DENND4B: variants seen among roughly 807,000 people sequenced by gnomAD.
DENND4B encodes the protein DENN domain containing 4B, also known as DENN domain-containing protein 4B.
A neutral mutation model predicts 161.0 loss-of-function variants in DENND4B; 67 were observed. The observed-to-expected ratio is 0.42, with a 90% confidence interval of 0.34 to 0.51. The LOEUF is 0.51. Among genes scored for constraint, DENND4B ranks in the 20% least tolerant of loss-of-function variants. The pLI, the probability that DENND4B is intolerant of heterozygous loss-of-function variation, is 0.08. For missense variants in DENND4B, 1,481 were observed against 1,968.0 expected, an observed-to-expected ratio of 0.75 and a Z score of 4.68; for synonymous variants, 753 against 813.8, an observed-to-expected ratio of 0.93 and a Z score of 1.27.
intron 6 of DENND4B, among the ~76,000 whole-genome samples, chr1:153,941,654 G>A (rs1212146675): frequency 6.6e-6 from 1 of 152,040 alleles, no homozygotes; most frequent in Non-Finnish European, 1.5e-5. Context: ...CCTTTGCCAG[G>A]ACCTAACTAG....
chr1:153,938,406 C>CAAA (rs34071791), intron 13 of DENND4B, among the ~76,000 whole-genome samples: 14 of 103,186 alleles, frequency 1.4e-4, no homozygotes, highest in Admixed American at 7.0e-4. Context: ...AAAACTATCT[C>CAAA]AAAAAAAAAA....
chr1:153,941,008 C>T lies in DENND4B; in HGVS notation c.1222G>A (p.Glu408Lys). Reference sequence around the variant, plus strand: ...GCCAGCAGCAGTGTGATAGCCAGCTCAGGGCCCAGGCTCTGCAGCAGCTGC... The same window carrying T: ...GCCAGCAGCAGTGTGATAGCCAGCTTAGGGCCCAGGCTCTGCAGCAGCTGC... ...FLQLLQSLGPELAITLLLAVL... is the reference protein window; with the variant it reads ...FLQLLQSLGPKLAITLLLAVL... The change falls in exon 9 of 28, where the codon GAG becomes AAG. Residue 408 changes from glutamate (E) to lysine (K), a missense_variant. Physicochemically the swap from Glu to Lys is moderately conservative, Grantham distance 56. Around this residue, in one of 3 missense-constraint regions of DENND4B, gnomAD observed 806 missense variants for 1,134.4 expected, o/e 0.71. Transcript: ENST00000361217. The T allele has an allele frequency of 6.4e-7, 1 of 1,573,566 alleles. No individual in the cohort carries two copies. Among genetic ancestry groups the T allele is most frequent in the Admixed American group, 1.9e-5 (1 of 52,724 alleles).
Position 153,933,916 on chromosome 1 carries a change from C to T in DENND4B, c.2942-45G>A, listed in dbSNP as rs751708911. 1 of 1,586,602 alleles carries T rather than the reference C, an allele frequency of 6.3e-7. No individual in the cohort carries two copies. Among genetic ancestry groups the T allele is most frequent in the Admixed American group, 2.0e-5 (1 of 49,732 alleles). ...GAGGGAAGATGGACCCCAGCCTCTGCACCAACTTCCCCTTTCCTGAATAAA... is the reference window on the plus strand; with the variant it reads ...GAGGGAAGATGGACCCCAGCCTCTGTACCAACTTCCCCTTTCCTGAATAAA... On this transcript the variant is annotated intron_variant, in intron 19 of 27. Transcript: ENST00000361217. This position sits in a 1 kb window ranked among gnomAD's most constrained non-coding sequence, Gnocchi z 5.7.
In DENND4B at chr1:153,946,090, C is replaced by T. The variant is rs1679950390; in HGVS notation, c.-24+211G>A. ...AGGGCGGCTCCGACTCCGGCACCCA[C>T]GGGAGCAGAAGGGGGTGCAGGAGGC... On this transcript the variant is annotated intron_variant, in intron 1 of 27. Transcript: ENST00000361217. This position sits in a 1 kb window ranked among gnomAD's most constrained non-coding sequence, Gnocchi z 6.3. Among the ~76,000 whole-genome samples, 1 of 152,128 alleles carries T rather than the reference C, an allele frequency of 6.6e-6. No individual in the cohort carries two copies. The highest frequency in any genetic ancestry group is 6.5e-5 in the Admixed American group (1 of 15,286).
At chr1:153,941,779 T>TCCCCCCCCCCCCC in intron 6 of DENND4B, 90 bp downstream of exon 6, 1 of 464,526 alleles carries the variant, frequency 2.2e-6, no homozygotes, top group Non-Finnish European at 3.9e-6. Flanking sequence ...TGCCCAGCCC[T>TCCCCCCCCCCCCC]CCCCCCACCC....
chr1:153,937,896 G>A lies in DENND4B; in HGVS notation c.1966-33C>T. On this transcript the variant is annotated intron_variant, in intron 13 of 27. Coordinates refer to ENST00000361217, the MANE Select transcript of DENND4B (RefSeq NM_014856.3). The surrounding 1 kb of genome is among the most constrained non-coding windows in gnomAD (Gnocchi z 4.7). ...AGGATTTTAAGAGAGCAAGTGTTGAGATGGTGGGCATGGAGCAGAGCCAGG... is the reference window on the plus strand; with the variant it reads ...AGGATTTTAAGAGAGCAAGTGTTGAAATGGTGGGCATGGAGCAGAGCCAGG... 1 of 1,613,720 alleles carries A rather than the reference G, an allele frequency of 6.2e-7. No individual in the cohort carries two copies. Among genetic ancestry groups the A allele is most frequent in the Non-Finnish European group, 8.5e-7 (1 of 1,179,770 alleles).
intron 13 of DENND4B, among the ~76,000 whole-genome samples, chr1:153,938,297 T>C (rs1286697076): frequency 1.3e-5 from 2 of 151,698 alleles, no homozygotes; most frequent in African/African-American, 4.9e-5. Flanking sequence ...TAATCCCAGC[T>C]ACTCAGGAGA....
At chr1:153,935,041 G>C (rs954368947) in intron 17 of DENND4B, 77 bp from the exon 18 acceptor site, 1 of 1,571,714 alleles carries the variant, frequency 6.4e-7, no homozygotes, top group East Asian at 2.2e-5. Flanking sequence ...CTGTCTTGGA[G>C]CCCCAGGGAC....
Position 153,942,322 on chromosome 1 carries a change from C to G in DENND4B, c.675G>C (p.Glu225Asp). The change falls in exon 5 of 28, where the codon GAG becomes GAC. Residue 225 changes from glutamate to aspartate, a missense_variant. Glu to Asp is a conservative substitution (Grantham distance 45). This residue lies in a region of DENND4B where 806 missense variants were observed against 1,134.4 expected (regional missense o/e 0.71). Transcript: ENST00000361217. The surrounding 1 kb of genome is among the most constrained non-coding windows in gnomAD (Gnocchi z 6.9). ...LLGRYPEEDN[E>D]AFPLPESVPV... is the part of the protein sequence containing the mutation. ...GCACTGACTCGGGCAGCGGGAACGC[C>G]TCATTGTCCTCCTCCGGGTAGCGGC... 6.2e-7 allele frequency: 1 copy of G among 1,613,454 alleles called. No individual in the cohort carries two copies. Among genetic ancestry groups the G allele is most frequent in the South Asian group, 1.1e-5 (1 of 91,056 alleles).
At position 153,933,184 on chromosome 1, in the gene DENND4B, G is replaced by T; in HGVS notation, c.3453+13C>A. The T allele has an allele frequency of 6.2e-7, 1 of 1,612,836 alleles. No individual in the cohort carries two copies. The highest frequency in any genetic ancestry group is 1.1e-5 in the South Asian group (1 of 90,864). On this transcript the variant is annotated intron_variant, in intron 21 of 27. Coordinates refer to ENST00000361217, the MANE Select transcript of DENND4B (RefSeq NM_014856.3). The surrounding 1 kb of genome is among the most constrained non-coding windows in gnomAD (Gnocchi z 5.7). ...GTGTTCAAGCACATCTGTGTGGGAG[G>T]GGTTATCCTCACTTCCAGGGAAGGT... is the stretch of plus-strand genomic sequence containing the variant.
Position 153,936,397 on chromosome 1 carries a change from G to T in DENND4B, c.2439+145C>A. 1.7e-6 allele frequency: 2 copies of T among 1,144,466 alleles called. No individual in the cohort carries two copies. The highest frequency in any genetic ancestry group is 2.4e-6 in the Non-Finnish European group (2 of 817,754). 70.9% of individuals were successfully genotyped at this position (1,144,466 alleles called of 1,614,324 possible). On this transcript the variant is annotated intron_variant, in intron 16 of 27. Transcript: ENST00000361217. The surrounding 1 kb of genome is among the most constrained non-coding windows in gnomAD (Gnocchi z 4.1). The stretch of plus-strand genomic sequence containing the variant: ...AAACCCTGAACATGCTTATTCACTC[G>T]ACGAATGTTTATAGATAATCTGCCC...
chr1:153,934,847 G>T lies in DENND4B; in HGVS notation c.2686C>A (p.Gln896Lys), dbSNP rs1480538117. 2 of 1,613,364 alleles carry T rather than the reference G, an allele frequency of 1.2e-6. No homozygotes were observed. The highest frequency in any genetic ancestry group is 1.7e-6 in the Non-Finnish European group (2 of 1,179,834). The change falls in exon 18 of 28, where the codon CAG (glutamine) becomes AAG (lysine). Residue 896 changes from glutamine (Q) to lysine (K), a missense_variant. By Grantham distance (53) the Gln-to-Lys change is moderately conservative (BLOSUM62 1). Around this residue, in one of 3 missense-constraint regions of DENND4B, gnomAD observed 339 missense variants for 330.3 expected, o/e 1.03. Coordinates refer to ENST00000361217, the MANE Select transcript of DENND4B (RefSeq NM_014856.3). This position sits in a 1 kb window ranked among gnomAD's most constrained non-coding sequence, Gnocchi z 5.3. ...QFRQPLRERQQQQQQQQQQQQ... is the reference protein window; with the variant it reads ...QFRQPLRERQKQQQQQQQQQQ... ...TGCTGCTGTTGCTGCTGCTGCTGCT[G>T]TTGCCGTTCTCTCAAGGGCTGGCGG...
rs989451868 is a variant in DENND4B, at chr1:153,941,246, G to A, written c.1166C>T (p.Ser389Leu). The A allele has an allele frequency of 1.9e-6, 3 of 1,613,882 alleles. No homozygotes were observed. The highest frequency in any genetic ancestry group is 2.5e-6 in the Non-Finnish European group (3 of 1,179,840). Reference protein sequence around the residue: ...DNLLLCQPVSSPLPLSGASFL... With the variant: ...DNLLLCQPVSLPLPLSGASFL... ...GATCACATACCTGAGGGGCAGGGGT[G>A]AGGATACAGGCTGACAGAGGAGCAA... Residue 389 changes from serine (S) to leucine (L), a missense_variant, in exon 8 of 28, where the codon TCA becomes TTA. This residue lies in a region of DENND4B where 806 missense variants were observed against 1,134.4 expected (regional missense o/e 0.71). Coordinates refer to ENST00000361217, the MANE Select transcript of DENND4B (RefSeq NM_014856.3).
In DENND4B at chr1:153,933,495, G is replaced by A. The variant is rs764694896; in HGVS notation, c.3318C>T (p.Ser1106=). 11 of 1,558,900 alleles carry A rather than the reference G, an allele frequency of 7.1e-6. No individual in the cohort carries two copies. The highest frequency in any genetic ancestry group is 4.9e-5 in the South Asian group (4 of 81,926). Residue 1106 remains serine, a synonymous_variant, in exon 20 of 28, where the codon TCC becomes TCT. Transcript: ENST00000361217. This position sits in a 1 kb window ranked among gnomAD's most constrained non-coding sequence, Gnocchi z 5.7. ...CTTCACTGGCTACCTCGGAGGCAGT[G>A]GATCCAGGGCGCTCCCGGGGGTGCA... ...SLLHPRERPG[S]TASESSASLG... is the part of the protein sequence containing the mutation.
In DENND4B at chr1:153,940,460, A is replaced by G; in HGVS notation, c.1473T>C (p.Cys491=). 1 of 1,613,008 alleles carries G rather than the reference A, an allele frequency of 6.2e-7. No homozygotes were observed. The highest frequency in any genetic ancestry group is 8.5e-7 in the Non-Finnish European group (1 of 1,179,472). Residue 491 remains cysteine, a synonymous_variant, in exon 10 of 28, where the codon TGT becomes TGC. Transcript: ENST00000361217. The surrounding 1 kb of genome is among the most constrained non-coding windows in gnomAD (Gnocchi z 5.6). ...DLHDPPADVI[C]VDLDTNTLFQ... Reference sequence around the variant, plus strand: ...AGAGCGTGTTGGTATCAAGGTCTACACAGATGACATCAGCAGGCGGGTCAT... The same window carrying G: ...AGAGCGTGTTGGTATCAAGGTCTACGCAGATGACATCAGCAGGCGGGTCAT...
chr1:153,932,519 A>G lies in DENND4B; in HGVS notation c.3760-79T>C. 1 of 1,557,194 alleles carries G rather than the reference A, an allele frequency of 6.4e-7. No individual in the cohort carries two copies. On this transcript the variant is annotated intron_variant, in intron 23 of 27. Transcript: ENST00000361217. The surrounding 1 kb of genome is among the most constrained non-coding windows in gnomAD (Gnocchi z 5.8). ...TGCCTCCCACTGAGCCACCACATCCAACAGCTTTTGGGATGCCCCTTGCCC... is the reference window on the plus strand; with the variant it reads ...TGCCTCCCACTGAGCCACCACATCCGACAGCTTTTGGGATGCCCCTTGCCC...
intron 17 of DENND4B, 73 bp downstream of exon 17, chr1:153,935,987 G>A (rs765371109): frequency 3.8e-6 from 6 of 1,575,338 alleles, no homozygotes; most frequent in East Asian, 2.4e-5. Context: ...CAAGGAGCGA[G>A]GGGAGCAGCA....
chr1:153,929,999 C>G lies in DENND4B; in HGVS notation c.*298G>C. 2.5e-6 allele frequency: 1 copy of G among 395,382 alleles called. No homozygotes were observed. Among genetic ancestry groups the G allele is most frequent in the Non-Finnish European group, 4.6e-6 (1 of 217,868 alleles). 24.5% of individuals were successfully genotyped at this position (395,382 alleles called of 1,614,324 possible). A position where few individuals can be genotyped will look rare whatever the true frequency, so the allele number is the denominator to read the frequency against. On this transcript the variant is annotated 3_prime_UTR_variant, in exon 28 of 28. Coordinates refer to ENST00000361217, the MANE Select transcript of DENND4B (RefSeq NM_014856.3). ...CTAAAATGACCAGGGCAATGCAGAT[C>G]TGTGGGTACCCTGGAGGGGAGTTCC...
Position 153,934,197 on chromosome 1 carries a change from T to C in DENND4B, c.2879A>G (p.Lys960Arg). 6.2e-7 allele frequency: 1 copy of C among 1,606,598 alleles called. No homozygotes were observed. The highest frequency in any genetic ancestry group is 8.5e-7 in the Non-Finnish European group (1 of 1,177,356). The change falls in exon 19 of 28, where the codon AAG becomes AGG. Residue 960 changes from lysine (K) to arginine (R), a missense_variant. Coordinates refer to ENST00000361217, the MANE Select transcript of DENND4B (RefSeq NM_014856.3). This position sits in a 1 kb window ranked among gnomAD's most constrained non-coding sequence, Gnocchi z 5.3. ...DPASPPGRLV[K>R]SGSLGSARGA... ...TCGGGCACTGCCCAGGCTACCACTC[T>C]TCACCAGGCGTCCAGGGGGTGAGGC...
Sources: gnomAD v4.1 joint callset for allele counts (sites outside exome capture counted in the v4.1 genomes callset) on GRCh38, gnomAD v4.1.1 for gene constraint, gnomAD v4.1.1 regional missense constraint, Gnocchi (gnomAD v3.1) non-coding constraint, MANE v1.5 for transcripts, NCBI Gene and HGNC (gene_info 2026-07-23, HGNC 2026-07-21) for gene names.